SLC27A4: variants seen among roughly 807,000 people sequenced by gnomAD.
SLC27A4 encodes the protein long-chain fatty acid transport protein 4.
Under a neutral mutation model 64.4 loss-of-function variants are expected in SLC27A4, and 33 were observed. The ratio of observed to expected loss-of-function variants is 0.51; its 90% CI spans 0.39 to 0.68. The LOEUF is 0.68. Among genes scored for constraint, SLC27A4 ranks in the 30% least tolerant of loss-of-function variants. SLC27A4 has a pLI of 0.00. For synonymous variants in SLC27A4, 377 were observed against 370.0 expected, an observed-to-expected ratio of 1.02 and a Z score of -0.22; for missense variants, 824 against 883.5, an observed-to-expected ratio of 0.93 and a Z score of 0.85.
Position 128,345,045 on chromosome 9 carries a change from G to T in SLC27A4, c.162-110G>T. The T allele has an allele frequency of 7.6e-7, 1 of 1,310,416 alleles. No individual in the cohort carries two copies. Among genetic ancestry groups the T allele is most frequent in the South Asian group, 1.2e-5 (1 of 80,206 alleles). 81.2% of individuals were successfully genotyped at this position (1,310,416 alleles called of 1,614,324 possible). On this transcript the variant is annotated intron_variant, in intron 2 of 12. Transcript: ENST00000300456. This position sits in a 1 kb window ranked among gnomAD's most constrained non-coding sequence, Gnocchi z 4.1. ...AGCCAGGAGATAGAAGTGTTGTAGG[G>T]GGTCTGGCTCATGAAGCATAGGCTG...
chr9:128,358,777 A>G (rs995469085), intron 12 of SLC27A4, among the ~76,000 whole-genome samples: 1 of 152,162 alleles, frequency 6.6e-6, no homozygotes, highest in Non-Finnish European at 1.5e-5. Flanking sequence ...AAATAGCCAC[A>G]TGAGGTCATA....
chr9:128,345,273 A>T lies in SLC27A4; in HGVS notation c.280A>T (p.Ile94Phe), dbSNP rs748282554. ...GCGCCACCCCGACAAGACGGCCCTGATCTTCGAGGGCACAGATACCCACTG... is the reference window on the plus strand; with the variant it reads ...GCGCCACCCCGACAAGACGGCCCTGTTCTTCGAGGGCACAGATACCCACTG... ...VRRHPDKTALIFEGTDTHWTF... is the reference protein window; with the variant it reads ...VRRHPDKTALFFEGTDTHWTF... The change falls in exon 3 of 13, where the codon ATC becomes TTC. Residue 94 changes from isoleucine (I) to phenylalanine (F), a missense_variant. By Grantham distance (21) the Ile-to-Phe change is conservative (BLOSUM62 0). Transcript: ENST00000300456. This position sits in a 1 kb window ranked among gnomAD's most constrained non-coding sequence, Gnocchi z 4.1. 6.2e-7 allele frequency: 1 copy of T among 1,613,742 alleles called. No homozygotes were observed. Among genetic ancestry groups the T allele is most frequent in the Non-Finnish European group, 8.5e-7 (1 of 1,179,992 alleles).
At position 128,360,403 on chromosome 9, in the gene SLC27A4, T is replaced by C; in HGVS notation, c.1844T>C (p.Leu615Pro). The C allele has an allele frequency of 6.2e-7, 1 of 1,614,076 alleles. No homozygotes were observed. The highest frequency in any genetic ancestry group is 8.5e-7 in the Non-Finnish European group (1 of 1,179,998). Reference protein sequence around the residue: ...GFDPAIVKDPLFYLDAQKGRY... With the variant: ...GFDPAIVKDPPFYLDAQKGRY... ...GACCCGGCTATTGTGAAAGACCCGC[T>C]GTTCTATCTAGATGCCCAGAAGGGC... The change falls in exon 13 of 13, where the codon CTG (leucine) becomes CCG (proline). Residue 615 changes from leucine (L) to proline (P), a missense_variant. Physicochemically the swap from Leu to Pro is moderately conservative, Grantham distance 98. Coordinates refer to ENST00000300456, the MANE Select transcript of SLC27A4 (RefSeq NM_005094.4).
intron 12 of SLC27A4, among the ~76,000 whole-genome samples, chr9:128,358,840 G>T (rs1475185214): frequency 6.6e-6 from 1 of 152,184 alleles, no homozygotes; most frequent in African/African-American, 2.4e-5. Context: ...TCTGCTCCAC[G>T]TGGCCTCTCA....
At chr9:128,352,524 G>A (rs1369958121) in intron 6 of SLC27A4, 114 bp from the exon 7 acceptor site, 2 of 834,096 alleles carry the variant, frequency 2.4e-6, no homozygotes, top group African/African-American at 3.3e-5. Context: ...GATGTGAGGT[G>A]CAGAAGCCTG....
intron 6 of SLC27A4, among the ~76,000 whole-genome samples, chr9:128,351,878 C>A (rs986897844): frequency 3.3e-5 from 5 of 151,774 alleles, no homozygotes; most frequent in Non-Finnish European, 7.4e-5. Flanking sequence ...CATGGTGAGA[C>A]CTGTCTCTAA....
chr9:128,352,535 C>T (rs918207748), intron 6 of SLC27A4, 103 bp from the exon 7 acceptor site: 4 of 915,826 alleles, frequency 4.4e-6, no homozygotes, highest in African/African-American at 1.6e-5. Context: ...CAGAAGCCTG[C>T]AGGGCAGCAC....
At chr9:128,342,088 A>G (rs763068615) in intron 1 of SLC27A4, 5 of 690,562 alleles carry the variant, frequency 7.2e-6, no homozygotes, top group Non-Finnish European at 1.3e-5. Flanking sequence ...GGTTTTAGGG[A>G]CCCTGGATGT....
chr9:128,340,535 T>TGGGGCTGCGCTGCGCCGCC lies in SLC27A4; in HGVS notation c.-307_-289dup, dbSNP rs1832551901. ...TGGGGCCGAGCGGCGTCAGGCGCGC[T>TGGGGCTGCGCTGCGCCGCC]GGGGCTGCGCTGCGCCGCCGGCTCT... On this transcript the variant is annotated 5_prime_UTR_variant, in exon 1 of 13. Transcript: ENST00000300456. The TGGGGCTGCGCTGCGCCGCC allele has an allele frequency of 1.2e-5, 2 of 170,502 alleles. No individual in the cohort carries two copies. Among genetic ancestry groups the TGGGGCTGCGCTGCGCCGCC allele is most frequent in the South Asian group, 3.7e-4 (2 of 5,384 alleles). 10.6% of individuals were successfully genotyped at this position (170,502 alleles called of 1,614,324 possible).
At chr9:128,343,501 T>A (rs1832609138) in intron 2 of SLC27A4, among the ~76,000 whole-genome samples, 1 of 152,178 alleles carries the variant, frequency 6.6e-6, no homozygotes. Flanking sequence ...TCCCAGGGAA[T>A]CTCCCTAACT....
chr9:128,353,404 G>A lies in SLC27A4; in HGVS notation c.1198-11G>A. ...GTGAGAGAGCCCAGGCCCAAGTCTTGGCCTTCGCAGGTGGGGGCCTGTGGT... is the reference window on the plus strand; with the variant it reads ...GTGAGAGAGCCCAGGCCCAAGTCTTAGCCTTCGCAGGTGGGGGCCTGTGGT... On this transcript the variant is annotated splice_polypyrimidine_tract_variant and intron_variant, in intron 8 of 12. Transcript: ENST00000300456. This position sits in a 1 kb window ranked among gnomAD's most constrained non-coding sequence, Gnocchi z 4.9. The A allele has an allele frequency of 6.2e-7, 1 of 1,614,186 alleles. No individual in the cohort carries two copies. Among genetic ancestry groups the A allele is most frequent in the South Asian group, 1.1e-5 (1 of 91,076 alleles).
At chr9:128,357,582 A>G (rs1832839022) in intron 12 of SLC27A4, among the ~76,000 whole-genome samples, 4 of 152,186 alleles carry the variant, frequency 2.6e-5, no homozygotes, top group Admixed American at 2.6e-4. Context: ...GCAGTTGTCC[A>G]GGTGGGAGGT....
chr9:128,360,053 T>G (rs1287446824), intron 12 of SLC27A4, among the ~76,000 whole-genome samples: 1 of 152,152 alleles, frequency 6.6e-6, no homozygotes, highest in Admixed American at 6.6e-5. Flanking sequence ...CTGCTGTCAC[T>G]CAGCATGTGA....
intron 1 of SLC27A4, among the ~76,000 whole-genome samples, chr9:128,341,335 C>T (rs1239047246): frequency 4.1e-4 from 62 of 152,216 alleles, no homozygotes; most frequent in Non-Finnish European, 2.5e-4. Flanking sequence ...ACAGTCCCAT[C>T]AGATGTCCCC....
intron 1 of SLC27A4, among the ~76,000 whole-genome samples, chr9:128,341,175 G>A (rs1339693685): frequency 1.3e-5 from 2 of 152,194 alleles, no homozygotes; most frequent in African/African-American, 4.8e-5. Context: ...CCCCGCCCCC[G>A]GCTTTTGCTT....
chr9:128,343,367 G>A (rs879207722), intron 2 of SLC27A4, 74 bp downstream of exon 2: 2 of 1,566,954 alleles, frequency 1.3e-6, no homozygotes, highest in Admixed American at 1.7e-5. Context: ...ATCTCCCCAG[G>A]CCAGACCTCA....
At chr9:128,342,196 T>G in intron 1 of SLC27A4, 1 of 1,564,074 alleles carries the variant, frequency 6.4e-7, no homozygotes, top group South Asian at 1.1e-5. Context: ...ACTTCGCTCG[T>G]TCTCGCATGC....
In SLC27A4 at chr9:128,345,063, A is replaced by T; in HGVS notation, c.162-92A>T. On this transcript the variant is annotated intron_variant, in intron 2 of 12. Coordinates refer to ENST00000300456, the MANE Select transcript of SLC27A4 (RefSeq NM_005094.4). This position sits in a 1 kb window ranked among gnomAD's most constrained non-coding sequence, Gnocchi z 4.1. ...TTGTAGGGGGTCTGGCTCATGAAGC[A>T]TAGGCTGGCGAGGCAGCAGCCTGGG... The T allele has an allele frequency of 6.6e-7, 1 of 1,519,336 alleles. No individual in the cohort carries two copies. Among genetic ancestry groups the T allele is most frequent in the South Asian group, 1.1e-5 (1 of 87,222 alleles). The allele number at this position is 1,519,336 out of a possible 1,614,324, so 94.1% of individuals were successfully genotyped here. A position where few individuals can be genotyped will look rare whatever the true frequency, so the allele number is the denominator to read the frequency against.
rs1832892883 is a variant in SLC27A4 at position 128,360,887 on chromosome 9, A to G, written c.*396A>G. ...GGAAGTCAACAGAGTGGGCAGGGACAGTGGTAGCATCCATCTGGTGGCCAA... is the reference window on the plus strand; with the variant it reads ...GGAAGTCAACAGAGTGGGCAGGGACGGTGGTAGCATCCATCTGGTGGCCAA... On this transcript the variant is annotated 3_prime_UTR_variant, in exon 13 of 13. Coordinates refer to ENST00000300456, the MANE Select transcript of SLC27A4 (RefSeq NM_005094.4). 1 of 262,950 alleles carries G rather than the reference A, an allele frequency of 3.8e-6. No individual in the cohort carries two copies. Among genetic ancestry groups the G allele is most frequent in the Admixed American group, 5.0e-5 (1 of 19,964 alleles). The allele number at this position is 262,950 out of a possible 1,614,324, so 16.3% of individuals were successfully genotyped here.
Sources: allele counts gnomAD v4.1 joint callset (sites outside exome capture counted in the v4.1 genomes callset), GRCh38; gene constraint gnomAD v4.1.1; non-coding constraint Gnocchi (gnomAD v3.1); transcripts MANE v1.5; gene names NCBI Gene and HGNC (gene_info 2026-07-23, HGNC 2026-07-21).